The following ANKRD31 variants were observed in gnomAD, a reference collection of about 807,000 sequenced individuals.
ANKRD31 encodes ankyrin repeat domain 31, also known as ankyrin repeat domain-containing protein 31.
ANKRD31 carries 147 observed loss-of-function variants against 186.0 expected under a neutral mutation model. The observed-to-expected ratio is 0.79, with a 90% CI of 0.69 to 0.91. ANKRD31 has a LOEUF of 0.91. ANKRD31 is among the 40% of genes least tolerant of loss of function. ANKRD31 has a pLI of 0.00. For synonymous variants in ANKRD31, 673 were observed against 736.4 expected, an observed-to-expected ratio of 0.91 and a Z score of 1.39; for missense variants, 1,986 against 2,148.8, an observed-to-expected ratio of 0.92 and a Z score of 1.50.
Position 75,104,809 on chromosome 5 carries a change from T to C in ANKRD31, c.4750A>G (p.Thr1584Ala). 1 of 1,537,226 alleles carries C rather than the reference T, an allele frequency of 6.5e-7. No individual in the cohort carries two copies. The highest frequency in any genetic ancestry group is 8.7e-7 in the Non-Finnish European group (1 of 1,146,890). Residue 1584 changes from threonine to alanine, a missense_variant, in exon 22 of 26, where the codon ACC becomes GCC. Coordinates refer to ENST00000506364, the MANE Select transcript of ANKRD31 (RefSeq NM_001372053.1). The stretch of plus-strand genomic sequence containing the variant: ...CTGGATTTTGGAAAACCATCCAAGG[T>C]ACAATCACTGCCATTTTGTTTAGAA... ...MNSKQNGSDC[T>A]LDGFPKSRHS...
At chr5:75,083,394 T>C (rs771968880) in intron 24 of ANKRD31, among the ~76,000 whole-genome samples, 12 of 152,114 alleles carry the variant, frequency 7.9e-5, no homozygotes, top group Non-Finnish European at 1.6e-4. Flanking sequence ...AATATACATA[T>C]GTCTATTCAT....
At chr5:75,072,854 T>G (rs1329631945) in intron 25 of ANKRD31, among the ~76,000 whole-genome samples, 1 of 152,204 alleles carries the variant, frequency 6.6e-6, no homozygotes, top group Non-Finnish European at 1.5e-5. Context: ...GGCAGATGAA[T>G]AGATGGCTGA....
intron 13 of ANKRD31, among the ~76,000 whole-genome samples, 157 bp from the exon 14 acceptor site, chr5:75,147,662 T>G (rs1380099815): frequency 6.6e-6 from 1 of 151,884 alleles, no homozygotes; most frequent in African/African-American, 2.4e-5. Context: ...CAACCTGATA[T>G]TTCAGAAATG....
Position 75,146,224 on chromosome 5 carries a change from T to C in ANKRD31, c.3187A>G (p.Thr1063Ala), listed in dbSNP as rs775286236. Residue 1063 changes from threonine (T) to alanine (A), a missense_variant, in exon 14 of 26, where the codon ACT (threonine) becomes GCT (alanine). Thr to Ala is a moderately conservative substitution (Grantham distance 58, BLOSUM62 0). Transcript: ENST00000506364. ...TCTCTGTCAATGTAATTCCTCTCAG[T>C]GTCACAATTCTTTGCCATCTTTTCC... ...IVEKMAKNCDTERNYIDRDQK... is the reference protein window; with the variant it reads ...IVEKMAKNCDAERNYIDRDQK... 9.1e-6 allele frequency: 14 copies of C among 1,536,250 alleles called. 1 individual carries two copies. In the South Asian group the frequency reaches 1.1e-4, roughly 12 times the overall value.
At chr5:75,070,793 A>G (rs1293677614) in intron 25 of ANKRD31, among the ~76,000 whole-genome samples, 1 of 152,238 alleles carries the variant, frequency 6.6e-6, no homozygotes, top group African/African-American at 2.4e-5. Flanking sequence ...GAAAGTGTCT[A>G]TTAAAAATTT....
chr5:75,085,682 G>A (rs1419731213), intron 23 of ANKRD31, among the ~76,000 whole-genome samples: 2 of 152,104 alleles, frequency 1.3e-5, no homozygotes, highest in African/African-American at 4.8e-5. Context: ...GATTACAGGT[G>A]TGAGCCACCG....
intron 10 of ANKRD31, among the ~76,000 whole-genome samples, chr5:75,169,932 A>T (rs1398233576): frequency 1.3e-5 from 2 of 152,134 alleles, no homozygotes; most frequent in African/African-American, 4.8e-5. Context: ...AGAAACTGCC[A>T]AAAGTCCCCT....
Position 75,196,136 on chromosome 5 carries a change from G to T in ANKRD31, c.512C>A (p.Ser171Tyr). 1.3e-6 allele frequency: 2 copies of T among 1,531,862 alleles called. No homozygotes were observed. Among genetic ancestry groups the T allele is most frequent in the South Asian group, 2.4e-5 (2 of 82,588 alleles). 94.9% of individuals were successfully genotyped at this position (1,531,862 alleles called of 1,614,324 possible). Reference sequence around the variant, plus strand: ...TGTCTCCTTTACAGCAACTGTATCAGATACTGTAATAGCAGTGCCTGAGAG... The same window carrying T: ...TGTCTCCTTTACAGCAACTGTATCATATACTGTAATAGCAGTGCCTGAGAG... ...SLLSGTAITV[S>Y]DTVAVKETSL... is the part of the protein sequence containing the mutation. The change falls in exon 7 of 26, where the codon TCT (serine) becomes TAT (tyrosine). Residue 171 changes from serine (S) to tyrosine (Y), a missense_variant. Coordinates refer to ENST00000506364, the MANE Select transcript of ANKRD31 (RefSeq NM_001372053.1).
At chr5:75,083,850 T>A (rs57441318) in intron 24 of ANKRD31, among the ~76,000 whole-genome samples, 54,389 of 152,130 alleles carry the variant, frequency 0.36, 13,669 homozygotes, top group African/African-American at 0.72. Flanking sequence ...GAAGTATGGA[T>A]ACATGCTATG....
rs140313618 is a variant in ANKRD31, at chr5:75,147,378, A to G, written c.2033T>C (p.Val678Ala). 12 of 1,527,506 alleles carry G rather than the reference A, an allele frequency of 7.9e-6. No individual in the cohort carries two copies. The African/African-American group carries it at 1.5e-4, about 19-fold the overall frequency. The allele number at this position is 1,527,506 out of a possible 1,614,324, so 94.6% of individuals were successfully genotyped here. The part of the protein sequence containing the change: ...KASLFINKED[V>A]YEYYQKDPKN... ...GGGATCTTTTTGGTAATATTCATATACATCTTCTTTATTTATAAATAAACT... is the reference window on the plus strand; with the variant it reads ...GGGATCTTTTTGGTAATATTCATATGCATCTTCTTTATTTATAAATAAACT... Residue 678 changes from valine (V) to alanine (A), a missense_variant, in exon 14 of 26, where the codon GTA becomes GCA. Coordinates refer to ENST00000506364, the MANE Select transcript of ANKRD31 (RefSeq NM_001372053.1).
intron 20 of ANKRD31, among the ~76,000 whole-genome samples, chr5:75,109,185 A>G (rs1747570192): frequency 6.6e-6 from 1 of 152,198 alleles, no homozygotes; most frequent in East Asian, 1.9e-4. Flanking sequence ...CCTTATCTTA[A>G]ATACAGAAAA....
chr5:75,094,845 T>C (rs1746189819), intron 22 of ANKRD31, among the ~76,000 whole-genome samples: 1 of 152,012 alleles, frequency 6.6e-6, no homozygotes, highest in Non-Finnish European at 1.5e-5. Flanking sequence ...ACAGAAAAAG[T>C]ATATCATATA....
chr5:75,232,414 C>T (rs1758005430), intron 1 of ANKRD31, among the ~76,000 whole-genome samples: 1 of 152,126 alleles, frequency 6.6e-6, no homozygotes, highest in South Asian at 2.1e-4. Context: ...CAAGTGCCTG[C>T]CATCAGGCCC....
intron 20 of ANKRD31, among the ~76,000 whole-genome samples, chr5:75,111,587 A>C (rs1372546759): frequency 2.0e-5 from 3 of 152,218 alleles, no homozygotes; most frequent in Non-Finnish European, 2.9e-5. Context: ...CAAAAGGTTG[A>C]TGAGGTACTT....
intron 1 of ANKRD31, among the ~76,000 whole-genome samples, chr5:75,233,388 C>A (rs1003793827): frequency 6.6e-6 from 1 of 151,982 alleles, no homozygotes; most frequent in Non-Finnish European, 1.5e-5. Flanking sequence ...TTTGGGTCTT[C>A]ATTTCCTTAT....
In ANKRD31 at chr5:75,118,243, GT is replaced by G; in HGVS notation, c.3930del (p.Lys1310AsnfsTer14). 2 of 1,521,962 alleles carry G rather than the reference GT, an allele frequency of 1.3e-6. No individual in the cohort carries two copies. The highest frequency in any genetic ancestry group is 2.5e-5 in the South Asian group (2 of 80,318). The allele number at this position is 1,521,962 out of a possible 1,614,324, so 94.3% of individuals were successfully genotyped here. A position where few individuals can be genotyped will look rare whatever the true frequency, so the allele number is the denominator to read the frequency against. ...NGANPNQKDQ[K>X]QKSALDEADD... ...TCTGCTTCATCCAAAGCACTCTTCTGTTTTTGATCTTTTTGATTAGGGTTTG... is the reference window on the plus strand; with the variant it reads ...TCTGCTTCATCCAAAGCACTCTTCTGTTTTGATCTTTTTGATTAGGGTTTG... On this transcript the variant is annotated frameshift_variant, in exon 18 of 26. Transcript: ENST00000506364. LOFTEE classifies it high-confidence loss of function.
At chr5:75,124,732 A>G (rs901423504) in intron 17 of ANKRD31, among the ~76,000 whole-genome samples, 5 of 152,200 alleles carry the variant, frequency 3.3e-5, no homozygotes, top group Non-Finnish European at 5.9e-5. Flanking sequence ...CAAGTCAAAT[A>G]CTGGATGTTC....
chr5:75,093,555 C>T (rs1468245066), intron 22 of ANKRD31, among the ~76,000 whole-genome samples: 1 of 152,002 alleles, frequency 6.6e-6, no homozygotes, highest in Non-Finnish European at 1.5e-5. Flanking sequence ...TCAGGAGGCT[C>T]AATGACTCAA....
chr5:75,102,462 C>T (rs1746980705), intron 22 of ANKRD31, among the ~76,000 whole-genome samples: 1 of 152,228 alleles, frequency 6.6e-6, no homozygotes, highest in African/African-American at 2.4e-5. Flanking sequence ...TCAAAGCTGT[C>T]AGACAGGGAC....
Sources: allele counts gnomAD v4.1 joint callset (sites outside exome capture counted in the v4.1 genomes callset), GRCh38; gene constraint gnomAD v4.1.1; transcripts MANE v1.5; gene names NCBI Gene and HGNC (gene_info 2026-07-23, HGNC 2026-07-21).